Variants in FAM135B observed in about 807,000 individuals in gnomAD.
FAM135B encodes the protein protein FAM135B.
A neutral mutation model predicts 127.7 loss-of-function variants in FAM135B; 43 were observed. That is an observed-to-expected ratio of 0.34 (90% CI 0.26 to 0.43). FAM135B has a LOEUF of 0.43. Ranked by LOEUF, FAM135B falls within the 20% of genes least tolerant of loss-of-function variation. FAM135B has a pLI of 1.00. For missense variants in FAM135B, 1,558 were observed against 1,725.6 expected (o/e 0.90, Z 1.72); for synonymous variants, 670 against 665.1 (o/e 1.01, Z -0.11).
chr8:138,414,119 C>T (rs201742392), intron 1 of FAM135B, among the ~76,000 whole-genome samples: 2,579 of 124,656 alleles, frequency 0.021, 90 homozygotes, highest in African/African-American at 0.067. Flanking sequence ...CACACAAATA[C>T]ATATATATAT....
At chr8:138,202,831 C>A (rs1417297806) in intron 7 of FAM135B, among the ~76,000 whole-genome samples, 1 of 152,220 alleles carries the variant, frequency 6.6e-6, no homozygotes, top group East Asian at 1.9e-4. Context: ...CAACAGTGAT[C>A]CACTCAGAAG....
rs534308280 is a variant in FAM135B at position 138,248,809 on chromosome 8, GTGAGACGC to G, written c.542+2024_542+2031del. Among the ~76,000 whole-genome samples, 208 of 131,098 alleles carry G rather than the reference GTGAGACGC, an allele frequency of 1.6e-3. 5 individuals carry two copies. The East Asian group carries it at 0.035, about 22-fold the overall frequency. 86.0% of individuals were successfully genotyped at this position (131,098 alleles called of 152,430 possible). On this transcript the variant is annotated intron_variant, in intron 6 of 19. Coordinates refer to ENST00000395297, the MANE Select transcript of FAM135B (RefSeq NM_015912.4). Reference sequence around the variant, plus strand: ...CACTCTAGCCTGGGTGACAGACAGAGTGAGACGCTGTCTCAAAAAAAAAAAAACAATAA... The same window carrying G: ...CACTCTAGCCTGGGTGACAGACAGAGTGTCTCAAAAAAAAAAAAACAATAA...
intron 7 of FAM135B, among the ~76,000 whole-genome samples, chr8:138,208,847 G>T (rs1246996325): frequency 1.3e-5 from 2 of 151,856 alleles, no homozygotes; most frequent in East Asian, 3.9e-4. Context: ...TTCTTATATT[G>T]CCAAGAGATT....
At chr8:138,447,906 C>T (rs1587479598) in intron 1 of FAM135B, among the ~76,000 whole-genome samples, 1 of 151,530 alleles carries the variant, frequency 6.6e-6, no homozygotes, top group African/African-American at 2.4e-5. Context: ...TATCAGTGAT[C>T]ACAGAACATC....
chr8:138,311,681 G>A (rs1248304571), intron 2 of FAM135B, among the ~76,000 whole-genome samples: 1 of 152,130 alleles, frequency 6.6e-6, no homozygotes, highest in African/African-American at 2.4e-5. Flanking sequence ...AAGGAAAATG[G>A]ACCATGAACA....
chr8:138,191,188 G>A (rs1816087681), intron 9 of FAM135B, among the ~76,000 whole-genome samples: 2 of 152,226 alleles, frequency 1.3e-5, no homozygotes, highest in Admixed American at 6.5e-5. Context: ...GCTCTGTTCT[G>A]AGCACTGTGC....
intron 3 of FAM135B, among the ~76,000 whole-genome samples, chr8:138,301,371 A>AC (rs1158355545): frequency 2.6e-5 from 4 of 151,992 alleles, no homozygotes; most frequent in African/African-American, 7.2e-5. Flanking sequence ...AACAATCAGG[A>AC]TTTTTTTTCT....
intron 1 of FAM135B, among the ~76,000 whole-genome samples, chr8:138,444,819 G>T (rs1459907787): frequency 6.6e-6 from 1 of 152,014 alleles, no homozygotes; most frequent in Non-Finnish European, 1.5e-5. Flanking sequence ...AACTGAAGGA[G>T]ATAGAGACAC....
chr8:138,173,914 G>A (rs1814160598), intron 11 of FAM135B, among the ~76,000 whole-genome samples: 1 of 152,166 alleles, frequency 6.6e-6, no homozygotes, highest in Non-Finnish European at 1.5e-5. Flanking sequence ...CAGAGAAGAG[G>A]AACAATAAAA....
chr8:138,186,148 C>T (rs1815550550), intron 9 of FAM135B, among the ~76,000 whole-genome samples: 2 of 152,184 alleles, frequency 1.3e-5, no homozygotes, highest in Admixed American at 6.5e-5. Flanking sequence ...GTGCCCGCTC[C>T]TCCTTGCTCC....
At chr8:138,248,662 A>G (rs964258510) in intron 6 of FAM135B, among the ~76,000 whole-genome samples, 1 of 151,908 alleles carries the variant, frequency 6.6e-6, no homozygotes, top group Non-Finnish European at 1.5e-5. Context: ...TCTACAAAAA[A>G]TACAAAAATT....
At chr8:138,306,675 C>G (rs753934139) in intron 3 of FAM135B, among the ~76,000 whole-genome samples, 1 of 151,694 alleles carries the variant, frequency 6.6e-6, no homozygotes, top group Non-Finnish European at 1.5e-5. Context: ...CTCTGCCTCC[C>G]GGGTTCAAGC....
rs1173973435 is a variant in FAM135B, at chr8:138,141,300, G to A, written c.3688C>T (p.Arg1230Trp). The change falls in exon 17 of 20, where the codon CGG becomes TGG. Residue 1230 changes from arginine to tryptophan, a missense_variant. Transcript: ENST00000395297. The surrounding 1 kb of genome is among the most constrained non-coding windows in gnomAD (Gnocchi z 4.7). ...GNIIIRSVLT[R>W]PRFRYYLNKL... ...TTGAGGTAATACCGGAACCGGGGCCGTGTGAGGACCGATCGGATGATGATG... is the reference window on the plus strand; with the variant it reads ...TTGAGGTAATACCGGAACCGGGGCCATGTGAGGACCGATCGGATGATGATG... 6.2e-6 allele frequency: 10 copies of A among 1,614,014 alleles called. No homozygotes were observed. The highest frequency in any genetic ancestry group is 1.1e-5 in the South Asian group (1 of 91,080).
chr8:138,160,617 C>T (rs1161118511), intron 12 of FAM135B, among the ~76,000 whole-genome samples: 9 of 150,186 alleles, frequency 6.0e-5, no homozygotes, highest in East Asian at 5.9e-4. Flanking sequence ...AGGCTGGTCT[C>T]GAACTCCTGA....
At chr8:138,414,115 A>AATATATATATATATATATATATAT (rs1203347529) in intron 1 of FAM135B, among the ~76,000 whole-genome samples, 2 of 83,236 alleles carry the variant, frequency 2.4e-5, no homozygotes, top group Non-Finnish European at 5.3e-5. Context: ...TTCACACACA[A>AATATATATATATATATATATATAT]ATACATATAT....
At position 138,242,500 on chromosome 8, in the gene FAM135B, C is replaced by T. The variant is rs1286645007; in HGVS notation, c.669+442G>A. 6.6e-6 allele frequency among the ~76,000 whole-genome samples: 1 copy of T among 151,976 alleles called. No homozygotes were observed. The highest frequency in any genetic ancestry group is 1.5e-5 in the Non-Finnish European group (1 of 68,002). ...TTACATTTATTACAACATTTGGGTA[C>T]ATATAACACTCCATGAGATTATTAG... On this transcript the variant is annotated intron_variant, in intron 7 of 19. Transcript: ENST00000395297. This position sits in a 1 kb window ranked among gnomAD's most constrained non-coding sequence, Gnocchi z 9.6.
chr8:138,239,473 T>C (rs557201554), intron 7 of FAM135B, among the ~76,000 whole-genome samples: 140 of 152,284 alleles, frequency 9.2e-4, no homozygotes, highest in African/African-American at 3.0e-3. Context: ...GTCAGATGAG[T>C]AGATTGCAAA....
rs566200183 is a variant in FAM135B at position 138,210,080 on chromosome 8, G to A, written c.670-12411C>T. ...AAGCAATGATTACTCCCATCTCTGA[G>A]AGGCTAGTCCAAGATCATCAAATTA... On this transcript the variant is annotated intron_variant, in intron 7 of 19. Coordinates refer to ENST00000395297, the MANE Select transcript of FAM135B (RefSeq NM_015912.4). 6.6e-5 allele frequency among the ~76,000 whole-genome samples: 10 copies of A among 152,348 alleles called. No homozygotes were observed. The South Asian group carries it at 2.1e-3, about 32-fold the overall frequency.
At chr8:138,271,346 G>A (rs180919744) in intron 3 of FAM135B, among the ~76,000 whole-genome samples, 1 of 152,110 alleles carries the variant, frequency 6.6e-6, no homozygotes, top group Non-Finnish European at 1.5e-5. Flanking sequence ...TGGAGTATTG[G>A]ATATTTTGTT....
Sources: gnomAD v4.1 joint callset for allele counts (sites outside exome capture counted in the v4.1 genomes callset) on GRCh38, gnomAD v4.1.1 for gene constraint, Gnocchi (gnomAD v3.1) non-coding constraint, MANE v1.5 for transcripts, NCBI Gene and HGNC (gene_info 2026-07-23, HGNC 2026-07-21) for gene names.